Variants in EYA1 observed in about 807,000 individuals in gnomAD.
EYA1 encodes protein phosphatase EYA1.
In EYA1, 16 loss-of-function variants were observed where a neutral mutation model predicts 82.0. That is an observed-to-expected ratio of 0.20 (90% CI 0.13 to 0.30). The LOEUF (loss-of-function observed/expected upper bound fraction) is 0.30. EYA1 is among the 10% of genes least tolerant of loss of function. The pLI is 1.00. For missense variants in EYA1, 633 were observed against 730.7 expected (o/e 0.87, Z 1.54); for synonymous variants, 261 against 264.4 (o/e 0.99, Z 0.12).
At chr8:71,373,637 A>G (rs921418232) in intron 2 of EYA1, among the ~76,000 whole-genome samples, 2 of 152,168 alleles carry the variant, frequency 1.3e-5, no homozygotes, top group Non-Finnish European at 2.9e-5. Flanking sequence ...GTAAAAAACA[A>G]TTCTAAAATT....
At chr8:71,320,441 T>C (rs1375908174) in intron 6 of EYA1, among the ~76,000 whole-genome samples, 4 of 152,236 alleles carry the variant, frequency 2.6e-5, no homozygotes, top group Admixed American at 6.5e-5. Flanking sequence ...CTGATCCTTT[T>C]TCTTCTTGTA....
chr8:71,321,980 C>A, intron 5 of EYA1, 101 bp from the exon 6 acceptor site: 2 of 1,506,570 alleles, frequency 1.3e-6, no homozygotes, highest in South Asian at 1.1e-5. Context: ...AATATTGTAT[C>A]TTAAAGTAAA....
chr8:71,436,648 G>C (rs986224635), intron 2 of EYA1, among the ~76,000 whole-genome samples: 1 of 152,120 alleles, frequency 6.6e-6, no homozygotes, highest in Non-Finnish European at 1.5e-5. Context: ...TCCTCCAGAT[G>C]AGTTCAGAGA....
chr8:71,322,969 T>C (rs1421158992), intron 4 of EYA1, among the ~76,000 whole-genome samples: 1 of 152,160 alleles, frequency 6.6e-6, no homozygotes, highest in African/African-American at 2.4e-5. Flanking sequence ...TATTTAAGCA[T>C]TCAAGCAGAA....
At chr8:71,241,276 CACTA>C (rs1239653433) in intron 12 of EYA1, among the ~76,000 whole-genome samples, 1 of 152,096 alleles carries the variant, frequency 6.6e-6, no homozygotes, top group Non-Finnish European at 1.5e-5. Flanking sequence ...TTAAAAAAGT[CACTA>C]AGTGAGATTA....
intron 11 of EYA1, among the ~76,000 whole-genome samples, chr8:71,258,771 G>C (rs1258149859): frequency 2.6e-5 from 4 of 152,144 alleles, no homozygotes; most frequent in African/African-American, 9.7e-5. Flanking sequence ...CATGATATTT[G>C]ATCTTAACTA....
chr8:71,483,978 C>A (rs28446899), intron 2 of EYA1, among the ~76,000 whole-genome samples: 1 of 152,122 alleles, frequency 6.6e-6, no homozygotes, highest in Non-Finnish European at 1.5e-5. Context: ...ATCTCAGCTG[C>A]GGTGTTCTTG....
At chr8:71,486,018 A>G (rs1810544513) in intron 2 of EYA1, among the ~76,000 whole-genome samples, 4 of 152,186 alleles carry the variant, frequency 2.6e-5, no homozygotes, top group Admixed American at 2.0e-4. Flanking sequence ...TTTAATTAGC[A>G]CCAACAGTTC....
intron 9 of EYA1, among the ~76,000 whole-genome samples, chr8:71,281,882 C>T (rs898455001): frequency 6.6e-6 from 1 of 152,214 alleles, no homozygotes. Flanking sequence ...CACAGAGCAC[C>T]TATGTGCCAG....
At chr8:71,474,091 T>C (rs566470214) in intron 2 of EYA1, among the ~76,000 whole-genome samples, 53 of 151,694 alleles carry the variant, frequency 3.5e-4, no homozygotes, top group African/African-American at 1.2e-3. Context: ...GAGAAATACC[T>C]AATGTAGATG....
chr8:71,435,742 C>T (rs1007028079), intron 2 of EYA1, among the ~76,000 whole-genome samples: 2 of 152,100 alleles, frequency 1.3e-5, no homozygotes, highest in African/African-American at 4.8e-5. Flanking sequence ...CGGAGAGGCT[C>T]TCTAGCCTCT....
At chr8:71,310,886 T>C (rs1821264574) in intron 7 of EYA1, among the ~76,000 whole-genome samples, 1 of 152,062 alleles carries the variant, frequency 6.6e-6, no homozygotes, top group Non-Finnish European at 1.5e-5. Flanking sequence ...GAGATTAAAA[T>C]ATGACTAAAG....
At chr8:71,507,843 C>G (rs535744359) in intron 2 of EYA1, among the ~76,000 whole-genome samples, 1 of 152,316 alleles carries the variant, frequency 6.6e-6, no homozygotes, top group South Asian at 2.1e-4. Context: ...AAAGAGGATT[C>G]TGAATTCCAA....
At chr8:71,479,829 G>A (rs575085499) in intron 2 of EYA1, among the ~76,000 whole-genome samples, 27 of 152,132 alleles carry the variant, frequency 1.8e-4, no homozygotes, top group African/African-American at 5.8e-4. Flanking sequence ...ATCCCTGCTC[G>A]TCCCATTAAT....
chr8:71,266,484 C>T lies in EYA1; in HGVS notation c.1050+3256G>A, dbSNP rs569246799. Among the ~76,000 whole-genome samples the T allele has an allele frequency of 7.2e-5, 11 of 152,250 alleles. No homozygotes were observed. The East Asian group carries it at 1.9e-3, about 27-fold the overall frequency. On this transcript the variant is annotated intron_variant, in intron 11 of 17. Transcript: ENST00000340726. ...AATGAGGAAATCATTAAGTAGACTT[C>T]CTTGCATGCTTCCAGCTACAATTCA...
In EYA1 at chr8:71,359,104, C is replaced by T. The variant is rs75315178; in HGVS notation, c.-55+2543G>A. On this transcript the variant is annotated intron_variant, in intron 1 of 17. Transcript: ENST00000340726. ...TTTAAAACTCATTGTATAGAATACC[C>T]ATAGTAGCATATTGACAGAGTTGTG... 9.2e-3 allele frequency among the ~76,000 whole-genome samples: 1,396 copies of T among 152,130 alleles called. 22 individuals carry two copies. The highest frequency in any genetic ancestry group is 0.031 in the African/African-American group (1,297 of 41,520).
At chr8:71,471,047 T>C in intron 2 of EYA1, 1 of 389,698 alleles carries the variant, frequency 2.6e-6, no homozygotes, top group Non-Finnish European at 5.0e-6. Flanking sequence ...GAGACATTAG[T>C]AGTTCTTAAA....
Position 71,205,854 on chromosome 8 carries a change from T to A in EYA1, c.1698+5302A>T, listed in dbSNP as rs1413446273. On this transcript the variant is annotated intron_variant, in intron 17 of 17. Coordinates refer to ENST00000340726, the MANE Select transcript of EYA1 (RefSeq NM_000503.6). ...GAAAGAAGAGCATGTTGTATTAGAT[T>A]TTGAAGGACACAGGAAACTAAGAGA... 2.0e-5 allele frequency among the ~76,000 whole-genome samples: 3 copies of A among 152,192 alleles called. No homozygotes were observed. The East Asian group carries it at 5.8e-4, about 29-fold the overall frequency.
intron 2 of EYA1, among the ~76,000 whole-genome samples, chr8:71,453,031 A>G (rs1225015204): frequency 6.6e-6 from 1 of 152,220 alleles, no homozygotes; most frequent in African/African-American, 2.4e-5. Flanking sequence ...AAAAAAGATT[A>G]GGTGAATGGC....
Sources: allele counts gnomAD v4.1 joint callset (sites outside exome capture counted in the v4.1 genomes callset), GRCh38; gene constraint gnomAD v4.1.1; transcripts MANE v1.5; gene names NCBI Gene and HGNC (gene_info 2026-07-23, HGNC 2026-07-21).